SFMBT1: variants seen among roughly 807,000 people sequenced by gnomAD.
SFMBT1 encodes scm-like with four MBT domains protein 1.
SFMBT1 carries 32 observed loss-of-function variants against 108.7 expected under a neutral mutation model. That is an observed-to-expected ratio of 0.29 (90% confidence interval 0.22 to 0.40). SFMBT1 has a LOEUF of 0.40. Ranked by LOEUF, SFMBT1 falls within the 10% of genes least tolerant of loss-of-function variation. The probability of loss-of-function intolerance (pLI) is 1.00; values close to 1 mark genes in which losing one functional copy is unlikely to be tolerated. For synonymous variants in SFMBT1, 348 were observed against 369.5 expected, an observed-to-expected ratio of 0.94 and a Z score of 0.67; for missense variants, 816 against 1,059.6, an observed-to-expected ratio of 0.77 and a Z score of 3.19.
chr3:52,996,716 T>C (rs1410050727), intron 1 of SFMBT1, among the ~76,000 whole-genome samples: 2 of 150,338 alleles, frequency 1.3e-5, no homozygotes, highest in African/African-American at 4.8e-5. Flanking sequence ...CCTCATACAA[T>C]GCTGGTGCAA....
At chr3:52,993,871 G>GT (rs1698223645) in intron 1 of SFMBT1, among the ~76,000 whole-genome samples, 1 of 150,084 alleles carries the variant, frequency 6.7e-6, no homozygotes, top group African/African-American at 2.4e-5. Flanking sequence ...CAGAAGCATC[G>GT]TAAGTCAAAG....
rs1190080434 is a variant in SFMBT1 at position 53,045,569 on chromosome 3, G to A, written c.-131+247C>T. On this transcript the variant is annotated intron_variant, in intron 1 of 20. Coordinates refer to ENST00000394752, the MANE Select transcript of SFMBT1 (RefSeq NM_016329.4). ...GGCGCGCCCCTGCAGCCGGCCGGCCGGCGCGCGGGACCGCGGGGCCGCGCG... is the reference window on the plus strand; with the variant it reads ...GGCGCGCCCCTGCAGCCGGCCGGCCAGCGCGCGGGACCGCGGGGCCGCGCG... Among the ~76,000 whole-genome samples, 9 of 141,740 alleles carry A rather than the reference G, an allele frequency of 6.3e-5. No homozygotes were observed. The South Asian group carries it at 6.4e-4, about 10-fold the overall frequency. The allele number at this position is 141,740 out of a possible 152,430, so 93.0% of individuals were successfully genotyped here. A position where few individuals can be genotyped will look rare whatever the true frequency, so the allele number is the denominator to read the frequency against.
At chr3:52,975,545 A>C (rs1056989324) in intron 1 of SFMBT1, among the ~76,000 whole-genome samples, 11 of 152,042 alleles carry the variant, frequency 7.2e-5, no homozygotes, top group Admixed American at 3.3e-4. Context: ...AAAGAACCAA[A>C]ATTAGCTAAA....
chr3:53,030,036 T>C (rs1436028126), intron 1 of SFMBT1, among the ~76,000 whole-genome samples: 2 of 152,194 alleles, frequency 1.3e-5, no homozygotes, highest in East Asian at 3.9e-4. Context: ...CTTTTCTTAA[T>C]CCAAGCAAAT....
Position 52,920,627 on chromosome 3 carries a change from A to G in SFMBT1, c.1282T>C (p.Cys428Arg), listed in dbSNP as rs766887391. The G allele has an allele frequency of 6.2e-7, 1 of 1,613,332 alleles. No homozygotes were observed. Among genetic ancestry groups the G allele is most frequent in the Non-Finnish European group, 8.5e-7 (1 of 1,179,414 alleles). ...LEGSKKPIPE[C>R]IVSVESMDIF... Reference sequence around the variant, plus strand: ...TCCATGGATTCCACACTCACAATACATTCAGGTATAGGCTTCTTAGAACCT... The same window carrying G: ...TCCATGGATTCCACACTCACAATACGTTCAGGTATAGGCTTCTTAGAACCT... The change falls in exon 12 of 21, where the codon TGT (cysteine) becomes CGT (arginine). Residue 428 changes from cysteine to arginine, a missense_variant. Coordinates refer to ENST00000394752, the MANE Select transcript of SFMBT1 (RefSeq NM_016329.4).
intron 1 of SFMBT1, among the ~76,000 whole-genome samples, chr3:52,998,129 G>C: frequency 6.7e-6 from 1 of 150,266 alleles, no homozygotes; most frequent in East Asian, 1.9e-4. Flanking sequence ...AAAAAATGTA[G>C]ATCAGGTCGG....
chr3:53,024,614 C>G (rs1699423873), intron 1 of SFMBT1, among the ~76,000 whole-genome samples: 1 of 152,216 alleles, frequency 6.6e-6, no homozygotes. Flanking sequence ...ACAGGGAAGA[C>G]AGCTAAGAGG....
At chr3:52,948,122 T>G (rs1025120049) in intron 3 of SFMBT1, among the ~76,000 whole-genome samples, 3 of 152,268 alleles carry the variant, frequency 2.0e-5, no homozygotes, top group East Asian at 3.8e-4. Context: ...AGCTATCATA[T>G]TTAGAACTAA....
At chr3:53,016,658 T>A (rs368193386) in intron 1 of SFMBT1, among the ~76,000 whole-genome samples, 1 of 152,244 alleles carries the variant, frequency 6.6e-6, no homozygotes, top group African/African-American at 2.4e-5. Flanking sequence ...GCTGTCTTCC[T>A]TATTTATTGA....
At chr3:52,907,862 G>T in intron 17 of SFMBT1, 129 bp from the exon 18 acceptor site, 1 of 840,736 alleles carries the variant, frequency 1.2e-6, no homozygotes, top group Non-Finnish European at 1.8e-6. Flanking sequence ...ATTCCATAGA[G>T]TGGAATAAAC....
At position 52,906,116 on chromosome 3, in the gene SFMBT1, G is replaced by T; in HGVS notation, c.2457C>A (p.Asp819Glu). 1 of 1,613,996 alleles carries T rather than the reference G, an allele frequency of 6.2e-7. No individual in the cohort carries two copies. Among genetic ancestry groups the T allele is most frequent in the Non-Finnish European group, 8.5e-7 (1 of 1,179,946 alleles). ...AATTATAGGTATCTGTGATTACCTG[G>T]TCTAGGAATATTCTTGCTAATGGAG... The part of the protein sequence containing the change: ...DCAPLARIFL[D>E]QEIDGQALLL... The change falls in exon 20 of 21, where the codon GAC (aspartate) becomes GAA (glutamate). Residue 819 changes from aspartate to glutamate, a missense_variant. Coordinates refer to ENST00000394752, the MANE Select transcript of SFMBT1 (RefSeq NM_016329.4).
At chr3:53,016,320 G>A (rs1167462935) in intron 1 of SFMBT1, among the ~76,000 whole-genome samples, 1 of 152,160 alleles carries the variant, frequency 6.6e-6, no homozygotes, top group East Asian at 1.9e-4. Flanking sequence ...CGAACCTCCA[G>A]AGATTGCCTC....
At chr3:52,907,796 A>G (rs1437121754) in intron 17 of SFMBT1, 63 bp from the exon 18 acceptor site, 4 of 1,451,520 alleles carry the variant, frequency 2.8e-6, no homozygotes, top group Non-Finnish European at 3.7e-6. Flanking sequence ...TCAAAACCAC[A>G]AGAGATTTTA....
At chr3:53,026,264 C>G (rs1449747719) in intron 1 of SFMBT1, among the ~76,000 whole-genome samples, 1 of 152,164 alleles carries the variant, frequency 6.6e-6, no homozygotes, top group African/African-American at 2.4e-5. Context: ...AACCTGCTAT[C>G]CCACCAAAAT....
At chr3:52,922,836 C>T (rs958970268) in intron 10 of SFMBT1, among the ~76,000 whole-genome samples, 4 of 152,180 alleles carry the variant, frequency 2.6e-5, no homozygotes, top group Non-Finnish European at 5.9e-5. Flanking sequence ...GCATGTATGT[C>T]GTGACCAAAA....
intron 1 of SFMBT1, among the ~76,000 whole-genome samples, chr3:53,022,312 T>C (rs1458158734): frequency 1.3e-5 from 2 of 151,700 alleles, no homozygotes; most frequent in Non-Finnish European, 2.9e-5. Context: ...TAGCTGAACA[T>C]GGTGGCATGC....
At chr3:52,938,704 T>A (rs937139191) in intron 4 of SFMBT1, among the ~76,000 whole-genome samples, 6 of 152,072 alleles carry the variant, frequency 3.9e-5, no homozygotes, top group Non-Finnish European at 8.8e-5. Flanking sequence ...TCTTGTCCCA[T>A]ATTTTTTATA....
At chr3:52,962,807 T>TTAAAAAAA (rs561200053) in intron 2 of SFMBT1, among the ~76,000 whole-genome samples, 1 of 10,604 alleles carries the variant, frequency 9.4e-5, no homozygotes, top group African/African-American at 3.5e-4. Flanking sequence ...GCTCCCTGTC[T>TTAAAAAAA]CAAAAAAAAA....
intron 17 of SFMBT1, among the ~76,000 whole-genome samples, chr3:52,908,859 C>T (rs955863582): frequency 2.0e-5 from 3 of 152,214 alleles, no homozygotes; most frequent in African/African-American, 7.2e-5. Context: ...GTGTGAGCCA[C>T]CGCACCCGGC....
Sources: gnomAD v4.1 joint callset for allele counts (sites outside exome capture counted in the v4.1 genomes callset) on GRCh38, gnomAD v4.1.1 for gene constraint, MANE v1.5 for transcripts, NCBI Gene and HGNC (gene_info 2026-07-23, HGNC 2026-07-21) for gene names.